The following GPR39 variants were observed in gnomAD, a reference collection of about 807,000 sequenced individuals.
GPR39 encodes zinc sensing receptor.
GPR39 carries 23 observed loss-of-function variants against 18.4 expected under a neutral mutation model. The observed-to-expected ratio is 1.25, with a 90% CI of 0.90 to 1.77. The LOEUF is 1.77. GPR39 is among the 40% of genes most tolerant of loss of function. GPR39 has a pLI of 0.00. For synonymous variants in GPR39, 280 were observed against 257.9 expected, an observed-to-expected ratio of 1.09 and a Z score of -0.82; for missense variants, 647 against 602.4, an observed-to-expected ratio of 1.07 and a Z score of -0.78.
intron 1 of GPR39, among the ~76,000 whole-genome samples, chr2:132,631,236 A>G (rs1041592916): frequency 5.9e-5 from 9 of 152,226 alleles, no homozygotes; most frequent in African/African-American, 1.9e-4. Flanking sequence ...TACTGTGCTT[A>G]CTACGTACAA....
intron 1 of GPR39, among the ~76,000 whole-genome samples, chr2:132,599,971 C>T (rs1044332088): frequency 1.2e-4 from 19 of 152,190 alleles, no homozygotes; most frequent in Admixed American, 7.8e-4. Context: ...GGTGTCTACC[C>T]GCAAATGCTG....
intron 1 of GPR39, among the ~76,000 whole-genome samples, chr2:132,442,040 A>G (rs1346335487): frequency 6.6e-6 from 1 of 152,248 alleles, no homozygotes; most frequent in South Asian, 2.1e-4. Context: ...TGTCAAGGCA[A>G]AAAAGCCTGT....
At chr2:132,425,970 GTGC>G (rs756056647) in intron 1 of GPR39, among the ~76,000 whole-genome samples, 1 of 152,278 alleles carries the variant, frequency 6.6e-6, no homozygotes, top group South Asian at 2.1e-4. Context: ...ACAGATTTGT[GTGC>G]TAATAAATAG....
intron 1 of GPR39, among the ~76,000 whole-genome samples, chr2:132,514,496 G>A (rs1558822636): frequency 1.3e-5 from 2 of 152,258 alleles, no homozygotes; most frequent in Middle Eastern, 3.4e-3. Context: ...ACCCCTCCTT[G>A]AGGTGTGGCT....
At chr2:132,520,395 T>C (rs2104766233) in intron 1 of GPR39, among the ~76,000 whole-genome samples, 1 of 152,360 alleles carries the variant, frequency 6.6e-6, no homozygotes, top group Middle Eastern at 3.4e-3. Flanking sequence ...TGATGCTTAG[T>C]AGGTACTCAG....
At chr2:132,578,528 T>A (rs1177671465) in intron 1 of GPR39, among the ~76,000 whole-genome samples, 1 of 152,138 alleles carries the variant, frequency 6.6e-6, no homozygotes, top group Non-Finnish European at 1.5e-5. Flanking sequence ...TTTTTTAAAT[T>A]GCAAATTTAA....
chr2:132,573,167 T>G (rs1680472101), intron 1 of GPR39, among the ~76,000 whole-genome samples: 1 of 152,174 alleles, frequency 6.6e-6, no homozygotes, highest in East Asian at 1.9e-4. Context: ...GTCTGAAATT[T>G]CCAGATGTTT....
At chr2:132,640,995 T>C (rs1401280289) in intron 1 of GPR39, among the ~76,000 whole-genome samples, 1 of 152,192 alleles carries the variant, frequency 6.6e-6, no homozygotes, top group African/African-American at 2.4e-5. Context: ...TGTCATTGGC[T>C]GTACCTGTAT....
chr2:132,582,933 TTTTTG>T (rs1291729053), intron 1 of GPR39, among the ~76,000 whole-genome samples: 2 of 149,688 alleles, frequency 1.3e-5, no homozygotes, highest in East Asian at 3.9e-4. Flanking sequence ...TTTTTTTTTT[TTTTTG>T]GAGATAGGGT....
chr2:132,496,834 C>T (rs931982112), intron 1 of GPR39, among the ~76,000 whole-genome samples: 1 of 152,130 alleles, frequency 6.6e-6, no homozygotes, highest in Non-Finnish European at 1.5e-5. Flanking sequence ...CTTGATGCAT[C>T]GGATTAGGGA....
intron 1 of GPR39, among the ~76,000 whole-genome samples, chr2:132,422,680 TTTG>T (rs570924933): frequency 6.6e-6 from 1 of 152,080 alleles, no homozygotes; most frequent in South Asian, 2.1e-4. Flanking sequence ...AGAAAAAAGT[TTTG>T]CCTCAAATAT....
intron 1 of GPR39, among the ~76,000 whole-genome samples, chr2:132,439,776 C>T (rs1021509243): frequency 6.6e-6 from 1 of 152,156 alleles, no homozygotes; most frequent in African/African-American, 2.4e-5. Flanking sequence ...AACCAGTTTT[C>T]ACAACAAGGC....
At position 132,556,452 on chromosome 2, in the gene GPR39, C is replaced by T. The variant is rs562760205; in HGVS notation, c.857-88649C>T. 1.6e-4 allele frequency among the ~76,000 whole-genome samples: 24 copies of T among 152,282 alleles called. 1 individual carries two copies. Among genetic ancestry groups the T allele is most frequent in the African/African-American group, 5.5e-4 (23 of 41,554 alleles). ...TAGCTGGTACATGCTGGCCCCAGTA[C>T]ACCATTGGCTCTAAGCAAGTTCTTT... On this transcript the variant is annotated intron_variant, in intron 1 of 1. Coordinates refer to ENST00000329321, the MANE Select transcript of GPR39 (RefSeq NM_001508.3).
chr2:132,582,915 C>CTTTTT (rs5834320), intron 1 of GPR39, among the ~76,000 whole-genome samples: 49 of 101,542 alleles, frequency 4.8e-4, no homozygotes, highest in Non-Finnish European at 6.7e-4. Context: ...TTCTTTCTTT[C>CTTTTT]TTTTTTTTTT....
At chr2:132,571,041 T>A (rs982510175) in intron 1 of GPR39, among the ~76,000 whole-genome samples, 5 of 152,198 alleles carry the variant, frequency 3.3e-5, no homozygotes, top group Admixed American at 2.6e-4. Flanking sequence ...AGCTCGAACA[T>A]GTTTACTGAA....
Position 132,535,695 on chromosome 2 carries a change from C to CTTTTTTTTTTTTTTTTTTTTTT in GPR39, c.857-109395_857-109394insTTTTTTTTTTTTTTTTTTTTTT, listed in dbSNP as rs753801511. Among the ~76,000 whole-genome samples the CTTTTTTTTTTTTTTTTTTTTTT allele has an allele frequency of 3.5e-3, 335 of 96,296 alleles. 39 individuals carry two copies. The highest frequency in any genetic ancestry group is 5.7e-3 in the Middle Eastern group (1 of 176). The allele number at this position is 96,296 out of a possible 152,430, so 63.2% of individuals were successfully genotyped here. ...GGCTGTGAATCCATCTGGTCCTGGG[C>CTTTTTTTTTTTTTTTTTTTTTT]TTTTTTTTTTTGGTTGGTAGGCTAT... On this transcript the variant is annotated intron_variant, in intron 1 of 1. Transcript: ENST00000329321.
intron 1 of GPR39, among the ~76,000 whole-genome samples, chr2:132,471,980 T>C (rs538810639): frequency 1.2e-4 from 18 of 152,270 alleles, no homozygotes; most frequent in African/African-American, 4.3e-4. Flanking sequence ...AGGGGCTCAA[T>C]ATAATCCACC....
chr2:132,563,890 C>T (rs958352622), intron 1 of GPR39, among the ~76,000 whole-genome samples: 4 of 152,178 alleles, frequency 2.6e-5, no homozygotes, highest in Admixed American at 6.5e-5. Context: ...CTGGAGGTGC[C>T]TGGGTCCCCC....
chr2:132,533,618 A>G (rs533161208), intron 1 of GPR39, among the ~76,000 whole-genome samples: 4 of 152,242 alleles, frequency 2.6e-5, no homozygotes, highest in Non-Finnish European at 5.9e-5. Context: ...ACAGTAACCA[A>G]AACAGCATGG....
Sources: allele counts gnomAD v4.1 joint callset (sites outside exome capture counted in the v4.1 genomes callset), GRCh38; gene constraint gnomAD v4.1.1; transcripts MANE v1.5; gene names NCBI Gene and HGNC (gene_info 2026-07-23, HGNC 2026-07-21).